Variants in DENND2B observed in about 807,000 individuals in gnomAD.
The protein encoded by DENND2B is DENN domain-containing protein 2B.
DENND2B carries 32 observed loss-of-function variants against 116.0 expected under a neutral mutation model. The ratio of observed to expected loss-of-function variants is 0.28; its 90% CI spans 0.21 to 0.37. The LOEUF is 0.37. Among genes scored for constraint, DENND2B ranks in the 10% least tolerant of loss-of-function variants. DENND2B has a pLI of 1.00. For synonymous variants in DENND2B, 588 were observed against 583.9 expected (o/e 1.01, Z -0.10); for missense variants, 1,276 against 1,477.7 (o/e 0.86, Z 2.24).
chr11:8,770,729 T>C (rs908948196), intron 1 of DENND2B, among the ~76,000 whole-genome samples: 2 of 152,192 alleles, frequency 1.3e-5, no homozygotes, highest in African/African-American at 4.8e-5. Context: ...TCTTGCTCTG[T>C]CACCCAGGCT....
Position 8,699,210 on chromosome 11 carries a change from C to T in DENND2B, c.2898+3G>A, listed in dbSNP as rs1242724424. On this transcript the variant is annotated splice_donor_region_variant and intron_variant, in intron 15 of 19. Transcript: ENST00000313726. ...CCCCCAGCTGGTTCCCCCGGTGGCC[C>T]ACCTCCTCCACAGGCAGCTCCTTCA... The T allele has an allele frequency of 6.4e-7, 1 of 1,554,658 alleles. No homozygotes were observed. Among genetic ancestry groups the T allele is most frequent in the African/African-American group, 1.4e-5 (1 of 72,090 alleles).
chr11:8,857,898 T>C (rs1193938860), intron 2 of DENND2B, among the ~76,000 whole-genome samples: 2 of 152,228 alleles, frequency 1.3e-5, no homozygotes, highest in Non-Finnish European at 1.5e-5. Context: ...TATTCTTCGA[T>C]TCCTATATGC....
chr11:8,730,787 A>T lies in DENND2B; in HGVS notation c.503T>A (p.Ile168Lys). The change falls in exon 3 of 20, where the codon ATA (isoleucine) becomes AAA (lysine). Residue 168 changes from isoleucine to lysine, a missense_variant. Ile to Lys is a moderately radical substitution (Grantham distance 102). Transcript: ENST00000313726. The surrounding 1 kb of genome is among the most constrained non-coding windows in gnomAD (Gnocchi z 4.1). ...CTCTCGGCGACCTTCCCATGCTGATATCTTCTCCCGGATGCCCAGGCTGTG... is the reference window on the plus strand; with the variant it reads ...CTCTCGGCGACCTTCCCATGCTGATTTCTTCTCCCGGATGCCCAGGCTGTG... ...RAHSLGIREK[I>K]SAWEGRREAS... 1 of 1,613,032 alleles carries T rather than the reference A, an allele frequency of 6.2e-7. No homozygotes were observed. Among genetic ancestry groups the T allele is most frequent in the Non-Finnish European group, 8.5e-7 (1 of 1,179,976 alleles).
At chr11:8,805,635 C>T (rs2060771870) in intron 1 of DENND2B, among the ~76,000 whole-genome samples, 1 of 152,120 alleles carries the variant, frequency 6.6e-6, no homozygotes, top group Admixed American at 6.5e-5. Flanking sequence ...GACCCTCCTC[C>T]TTTTTCCCAG....
At chr11:8,862,407 G>A (rs1829932193) in intron 2 of DENND2B, among the ~76,000 whole-genome samples, 1 of 136,488 alleles carries the variant, frequency 7.3e-6, no homozygotes, top group Non-Finnish European at 1.5e-5. Context: ...TCGACTCACT[G>A]CAATCTCAAC....
chr11:8,709,087 G>A (rs190348382), intron 11 of DENND2B, among the ~76,000 whole-genome samples: 5 of 152,328 alleles, frequency 3.3e-5, no homozygotes, highest in East Asian at 3.9e-4. Context: ...AGTCCGAGTG[G>A]GGAGGGAGCA....
chr11:8,888,305 T>A (rs2063985215), intron 1 of DENND2B, among the ~76,000 whole-genome samples: 1 of 152,194 alleles, frequency 6.6e-6, no homozygotes, highest in Non-Finnish European at 1.5e-5. Flanking sequence ...CAAATGTCAG[T>A]GATCTGTGCT....
chr11:8,745,196 A>AG (rs1293979300), intron 2 of DENND2B, among the ~76,000 whole-genome samples: 1 of 152,092 alleles, frequency 6.6e-6, no homozygotes, highest in Admixed American at 6.5e-5. Flanking sequence ...CTGGGACTAC[A>AG]GGTGTGCACC....
intron 1 of DENND2B, among the ~76,000 whole-genome samples, chr11:8,806,538 AG>A (rs769567189): frequency 6.6e-6 from 1 of 150,574 alleles, no homozygotes; most frequent in Non-Finnish European, 1.5e-5. Context: ...AAATAAGAGA[AG>A]GGGTCTTTGG....
intron 2 of DENND2B, among the ~76,000 whole-genome samples, chr11:8,869,322 G>C (rs2063693511): frequency 6.6e-6 from 1 of 152,156 alleles, no homozygotes; most frequent in South Asian, 2.1e-4. Flanking sequence ...ACATACACTT[G>C]AACAATTTTT....
intron 4 of DENND2B, among the ~76,000 whole-genome samples, chr11:8,836,175 G>A (rs567747788): frequency 3.9e-4 from 48 of 123,196 alleles, no homozygotes; most frequent in Admixed American, 1.1e-3. Context: ...GTGAAACCCC[G>A]TCTCTACTAA....
At chr11:8,763,353 G>T (rs1165269723) in intron 1 of DENND2B, among the ~76,000 whole-genome samples, 1 of 151,870 alleles carries the variant, frequency 6.6e-6, no homozygotes, top group Non-Finnish European at 1.5e-5. Context: ...CTAAATATAG[G>T]TATAACCCAT....
chr11:8,774,240 C>T (rs151226956), intron 1 of DENND2B: 18,445 of 985,436 alleles, frequency 0.019, 228 homozygotes, highest in Middle Eastern at 0.059. Flanking sequence ...CCCTACCTGT[C>T]TTTATGACTA....
chr11:8,760,356 G>A (rs749445673), intron 1 of DENND2B, among the ~76,000 whole-genome samples: 1 of 152,116 alleles, frequency 6.6e-6, no homozygotes, highest in Non-Finnish European at 1.5e-5. Context: ...GTGAGCTTTC[G>A]CCTGTAATCC....
intron 1 of DENND2B, among the ~76,000 whole-genome samples, chr11:8,752,679 G>A (rs2052763248): frequency 6.6e-6 from 1 of 152,072 alleles, no homozygotes; most frequent in Non-Finnish European, 1.5e-5. Flanking sequence ...AAAAATGTCT[G>A]TTCATGTACC....
At chr11:8,852,544 G>A (rs1269692529) in intron 3 of DENND2B, among the ~76,000 whole-genome samples, 1 of 152,212 alleles carries the variant, frequency 6.6e-6, no homozygotes, top group African/African-American at 2.4e-5. Context: ...GGATAGGAAT[G>A]TGGATACTGT....
chr11:8,701,599 G>A (rs1248521029), intron 14 of DENND2B, among the ~76,000 whole-genome samples: 4 of 152,024 alleles, frequency 2.6e-5, no homozygotes, highest in East Asian at 3.9e-4. Context: ...TGTCGGTGTC[G>A]TTTTATCTAA....
intron 18 of DENND2B, chr11:8,695,794 T>G (rs2040250474): frequency 1.9e-6 from 1 of 539,640 alleles, no homozygotes; most frequent in East Asian, 3.2e-5. Context: ...CTGCACTAGG[T>G]GAGGAGGCTG....
intron 18 of DENND2B, 65 bp downstream of exon 18, chr11:8,696,362 G>T (rs2040356663): frequency 6.3e-7 from 1 of 1,589,994 alleles, no homozygotes; most frequent in Non-Finnish European, 8.6e-7. Context: ...CCATCATAGT[G>T]CCTGGTTCTT....
Sources: allele counts gnomAD v4.1 joint callset (sites outside exome capture counted in the v4.1 genomes callset), GRCh38; gene constraint gnomAD v4.1.1; non-coding constraint Gnocchi (gnomAD v3.1); transcripts MANE v1.5; gene names NCBI Gene and HGNC (gene_info 2026-07-23, HGNC 2026-07-21).